The following PLG variants were observed in gnomAD, a reference collection of about 807,000 sequenced individuals.
PLG encodes the protein plasmin.
In PLG, 41 loss-of-function variants were observed where a neutral mutation model predicts 104.4. The observed-to-expected ratio is 0.39, with a 90% confidence interval of 0.31 to 0.51. The LOEUF (loss-of-function observed/expected upper bound fraction) is 0.51, where lower values mean the gene tolerates loss of function less well. Among genes scored for constraint, PLG ranks in the 20% least tolerant of loss-of-function variants. The pLI, the probability that PLG is intolerant of heterozygous loss-of-function variation, is 0.76. For synonymous variants in PLG, 337 were observed against 357.1 expected (o/e 0.94, Z 0.63); for missense variants, 891 against 1,003.6 (o/e 0.89, Z 1.52).
At position 160,731,383 on chromosome 6, in the gene PLG, C is replaced by CT. The variant is rs1390319788; in HGVS notation, c.1438+152dup. 1 of 777,620 alleles carries CT rather than the reference C, an allele frequency of 1.3e-6. No individual in the cohort carries two copies. Among genetic ancestry groups the CT allele is most frequent in the Non-Finnish European group, 2.2e-6 (1 of 457,410 alleles). The allele number at this position is 777,620 out of a possible 1,614,324, so 48.2% of individuals were successfully genotyped here. ...GTGGAAGGAAGCCTCAGTGCACTCTCTCAAGGAGGCAGAGGTGTGACTTTT... is the reference window on the plus strand; with the variant it reads ...GTGGAAGGAAGCCTCAGTGCACTCTCTTCAAGGAGGCAGAGGTGTGACTTTT... On this transcript the variant is annotated intron_variant, in intron 11 of 18. Coordinates refer to ENST00000308192, the MANE Select transcript of PLG (RefSeq NM_000301.5). The surrounding 1 kb of genome is among the most constrained non-coding windows in gnomAD (Gnocchi z 5.1).
Position 160,737,807 on chromosome 6 carries a change from C to T in PLG, c.1803-731C>T, listed in dbSNP as rs537472570. ...ATTGCATTTCACTCTGCTGTTGAGT[C>T]GATTTTTCTTTATTTTATCATTTAG... On this transcript the variant is annotated intron_variant, in intron 14 of 18. Coordinates refer to ENST00000308192, the MANE Select transcript of PLG (RefSeq NM_000301.5). The surrounding 1 kb of genome is among the most constrained non-coding windows in gnomAD (Gnocchi z 4.7). Among the ~76,000 whole-genome samples the T allele has an allele frequency of 2.0e-5, 3 of 152,180 alleles. No homozygotes were observed. Among genetic ancestry groups the T allele is most frequent in the Non-Finnish European group, 2.9e-5 (2 of 68,004 alleles).
chr6:160,716,588 A>G (rs1022404372), intron 6 of PLG, 57 bp from the exon 7 acceptor site: 1 of 1,021,252 alleles, frequency 9.8e-7, no homozygotes, highest in African/African-American at 1.6e-5. Flanking sequence ...CTTGAAAAAG[A>G]GTCTTATCCA....
At chr6:160,730,275 C>A (rs1330627068) in intron 10 of PLG, among the ~76,000 whole-genome samples, 1 of 152,218 alleles carries the variant, frequency 6.6e-6, no homozygotes, top group African/African-American at 2.4e-5. Context: ...TCCCACTGTT[C>A]TTCCAACTCA....
chr6:160,704,781 C>T (rs1287859835), intron 1 of PLG, among the ~76,000 whole-genome samples: 1 of 152,222 alleles, frequency 6.6e-6, no homozygotes, highest in Non-Finnish European at 1.5e-5. Context: ...GGGACTTTGG[C>T]CGAGGACTTT....
At position 160,741,227 on chromosome 6, in the gene PLG, G is replaced by T. The variant is rs553207544; in HGVS notation, c.2019-84G>T. 1.6e-5 allele frequency: 15 copies of T among 921,066 alleles called. No homozygotes were observed. In the East Asian group the frequency reaches 3.6e-4, roughly 22 times the overall value. 57.1% of individuals were successfully genotyped at this position (921,066 alleles called of 1,614,324 possible). On this transcript the variant is annotated intron_variant, in intron 16 of 18. Transcript: ENST00000308192. The surrounding 1 kb of genome is among the most constrained non-coding windows in gnomAD (Gnocchi z 4.7). ...GCAGTGCCAGTTCAGAGGGCTCTGG[G>T]GCCTCAAGACAGGGATGACTGGTTG...
rs4252093 is a variant in PLG at position 160,712,653 on chromosome 6, A to G, written c.408-333A>G. On this transcript the variant is annotated intron_variant, in intron 4 of 18. Coordinates refer to ENST00000308192, the MANE Select transcript of PLG (RefSeq NM_000301.5). ...GTATTAACTACAAAAATTTTTACAG[A>G]GAAAACGGTAACTGACAAAAGCAGG... is the stretch of plus-strand genomic sequence containing the variant. 0.25 allele frequency among the ~76,000 whole-genome samples: 38,022 copies of G among 152,162 alleles called. 5,081 individuals are homozygous for G. Among genetic ancestry groups the G allele is most frequent in the Middle Eastern group, 0.3 (87 of 294 alleles).
chr6:160,706,337 G>A, intron 1 of PLG, 70 bp from the exon 2 acceptor site: 2 of 1,591,068 alleles, frequency 1.3e-6, no homozygotes, highest in East Asian at 2.2e-5. Context: ...AGATTAAAAG[G>A]AAGTCATGAC....
intron 1 of PLG, among the ~76,000 whole-genome samples, chr6:160,705,230 G>A (rs1220970863): frequency 6.6e-6 from 1 of 152,204 alleles, no homozygotes; most frequent in Non-Finnish European, 1.5e-5. Context: ...GGCATCTCCA[G>A]GCTTGGAATA....
chr6:160,716,895 TTTATTTTATTGCTGG>T, intron 7 of PLG, 132 bp downstream of exon 7: 1 of 734,730 alleles, frequency 1.4e-6, no homozygotes, highest in Admixed American at 1.9e-5. Flanking sequence ...GTTATTGGTC[TTTATTTTATTGCTGG>T]TTTAAAACAG....
chr6:160,707,634 T>C, intron 2 of PLG, 66 bp from the exon 3 acceptor site: 1 of 1,444,562 alleles, frequency 6.9e-7, no homozygotes, highest in Non-Finnish European at 9.7e-7. Flanking sequence ...GTCTCACTTA[T>C]TAATAAACAT....
In PLG at chr6:160,753,276, C is replaced by T. The variant is rs969548608; in HGVS notation, c.*215C>T. 10 of 568,076 alleles carry T rather than the reference C, an allele frequency of 1.8e-5. No homozygotes were observed. The highest frequency in any genetic ancestry group is 3.2e-5 in the Non-Finnish European group (10 of 316,530). The allele number at this position is 568,076 out of a possible 1,614,324, so 35.2% of individuals were successfully genotyped here. On this transcript the variant is annotated 3_prime_UTR_variant, in exon 19 of 19. Coordinates refer to ENST00000308192, the MANE Select transcript of PLG (RefSeq NM_000301.5). The surrounding 1 kb of genome is among the most constrained non-coding windows in gnomAD (Gnocchi z 5.4). ...ACATTTGTTAAAAATAAACTCTGTA[C>T]TTAACTTTGATTTGAGTAAATTTTG...
chr6:160,748,513 C>A (rs1778337411), intron 17 of PLG, among the ~76,000 whole-genome samples: 1 of 150,346 alleles, frequency 6.7e-6, no homozygotes, highest in Non-Finnish European at 1.5e-5. Flanking sequence ...TTGATTGTTT[C>A]CTCAGCTGAA....
At chr6:160,713,534 G>T (rs1388910956) in intron 5 of PLG, among the ~76,000 whole-genome samples, 2 of 152,088 alleles carry the variant, frequency 1.3e-5, no homozygotes, top group African/African-American at 4.8e-5. Context: ...CTCTCAAAGT[G>T]CTGGGATTAC....
rs1263443911 is a variant in PLG at position 160,752,591 on chromosome 6, AC to A, written c.2272-307del. On this transcript the variant is annotated intron_variant, in intron 18 of 18. Transcript: ENST00000308192. This position sits in a 1 kb window ranked among gnomAD's most constrained non-coding sequence, Gnocchi z 4.7. Reference sequence around the variant, plus strand: ...AGGAGGTAGAGGATACAGGACAGAGACCAACTGCACACACTTTACACTGATG... The same window carrying A: ...AGGAGGTAGAGGATACAGGACAGAGACAACTGCACACACTTTACACTGATG... Among the ~76,000 whole-genome samples, 1 of 152,110 alleles carries A rather than the reference AC, an allele frequency of 6.6e-6. No homozygotes were observed. The highest frequency in any genetic ancestry group is 2.4e-5 in the African/African-American group (1 of 41,406).
Position 160,752,362 on chromosome 6 carries a change from C to A in PLG, c.2271+102C>A. ...AGGTGGCAAATTCAAGGATTTTCAACCGAAGACCCCAGTCTAAGTGTTGTT... is the reference window on the plus strand; with the variant it reads ...AGGTGGCAAATTCAAGGATTTTCAAACGAAGACCCCAGTCTAAGTGTTGTT... On this transcript the variant is annotated intron_variant, in intron 18 of 18. Coordinates refer to ENST00000308192, the MANE Select transcript of PLG (RefSeq NM_000301.5). The surrounding 1 kb of genome is among the most constrained non-coding windows in gnomAD (Gnocchi z 4.7). 3 of 1,012,422 alleles carry A rather than the reference C, an allele frequency of 3.0e-6. No homozygotes were observed. The highest frequency in any genetic ancestry group is 4.7e-6 in the Non-Finnish European group (3 of 638,566). The allele number at this position is 1,012,422 out of a possible 1,614,324, so 62.7% of individuals were successfully genotyped here.
intron 1 of PLG, chr6:160,706,121 G>A (rs1582929895): frequency 2.2e-6 from 1 of 447,588 alleles, no homozygotes; most frequent in East Asian, 4.5e-5. Context: ...CCCAGGTAGT[G>A]AGCTAAATAC....
chr6:160,715,210 C>T (rs577253729), intron 6 of PLG, among the ~76,000 whole-genome samples: 3 of 152,236 alleles, frequency 2.0e-5, no homozygotes, highest in Admixed American at 1.3e-4. Flanking sequence ...TGTGCACACA[C>T]ATTCAAACAC....
chr6:160,751,871 A>C (rs758201379), intron 17 of PLG, among the ~76,000 whole-genome samples: 5 of 152,220 alleles, frequency 3.3e-5, no homozygotes, highest in Non-Finnish European at 5.9e-5. Flanking sequence ...GCAAAAAGTA[A>C]AGAAACAACA....
intron 17 of PLG, among the ~76,000 whole-genome samples, chr6:160,742,746 C>T (rs1164539249): frequency 6.6e-6 from 1 of 151,772 alleles, no homozygotes; most frequent in African/African-American, 2.4e-5. Flanking sequence ...GATGGTGTTA[C>T]CTAGGTTGTC....
Sources: allele counts gnomAD v4.1 joint callset (sites outside exome capture counted in the v4.1 genomes callset), GRCh38; gene constraint gnomAD v4.1.1; non-coding constraint Gnocchi (gnomAD v3.1); transcripts MANE v1.5; gene names NCBI Gene and HGNC (gene_info 2026-07-23, HGNC 2026-07-21).